Variants in VRK2 observed in about 807,000 individuals in gnomAD.
The protein encoded by VRK2 is serine/threonine-protein kinase VRK2.
A neutral mutation model predicts 57.6 loss-of-function variants in VRK2; 60 were observed. The ratio of observed to expected loss-of-function variants is 1.04; its 90% CI spans 0.85 to 1.29. VRK2 has a LOEUF of 1.29. VRK2 is among the 50% of genes most tolerant of loss of function. The pLI is 0.00. For missense variants in VRK2, 705 were observed against 588.1 expected (o/e 1.20, Z -2.06); for synonymous variants, 231 against 199.2 (o/e 1.16, Z -1.35).
chr2:58,101,621 C>T (rs942568055), intron 7 of VRK2, among the ~76,000 whole-genome samples: 15 of 151,582 alleles, frequency 9.9e-5, no homozygotes, highest in African/African-American at 3.6e-4. Flanking sequence ...CTGTGCCACA[C>T]TTTCTCTTTC....
chr2:58,022,731 T>C (rs190165130), intron 1 of VRK2, among the ~76,000 whole-genome samples: 212 of 152,136 alleles, frequency 1.4e-3, no homozygotes, highest in African/African-American at 4.6e-3. Flanking sequence ...AAAAATTAGC[T>C]AAGCATGGTG....
intron 2 of VRK2, among the ~76,000 whole-genome samples, chr2:58,029,260 A>T (rs1277667700): frequency 6.6e-6 from 1 of 152,052 alleles, no homozygotes; most frequent in Non-Finnish European, 1.5e-5. Flanking sequence ...ATGAAGGATC[A>T]ACATAATTTG....
At chr2:58,146,074 A>G (rs1010181561) in intron 11 of VRK2, among the ~76,000 whole-genome samples, 2 of 152,042 alleles carry the variant, frequency 1.3e-5, no homozygotes, top group African/African-American at 4.8e-5. Context: ...ATAGTGCCGT[A>G]AGAAACATAC....
At chr2:57,941,274 A>T (rs901077556) in intron 1 of VRK2, among the ~76,000 whole-genome samples, 2 of 152,216 alleles carry the variant, frequency 1.3e-5, no homozygotes, top group African/African-American at 2.4e-5. Context: ...TCAGTGTTAA[A>T]AAACATATTA....
At chr2:58,031,816 T>C (rs564673261) in intron 2 of VRK2, among the ~76,000 whole-genome samples, 2 of 152,170 alleles carry the variant, frequency 1.3e-5, no homozygotes, top group East Asian at 3.9e-4. Context: ...GACTTTTCAA[T>C]TTACACATTC....
At chr2:58,125,556 AT>A (rs1421289877) in intron 8 of VRK2, among the ~76,000 whole-genome samples, 3 of 152,002 alleles carry the variant, frequency 2.0e-5, no homozygotes, top group Non-Finnish European at 2.9e-5. Flanking sequence ...TACATTAAAT[AT>A]TTTTGGGATT....
At position 57,964,879 on chromosome 2, in the gene VRK2, C is replaced by CAA. The variant is rs540446220; in HGVS notation, c.-439+57068_-439+57069dup. Among the ~76,000 whole-genome samples, 71 of 47,862 alleles carry CAA rather than the reference C, an allele frequency of 1.5e-3. 4 individuals are homozygous for CAA. Among genetic ancestry groups the CAA allele is most frequent in the African/African-American group, 3.8e-3 (46 of 11,970 alleles). The allele number at this position is 47,862 out of a possible 152,430, so 31.4% of individuals were successfully genotyped here. A position where few individuals can be genotyped will look rare whatever the true frequency, so the allele number is the denominator to read the frequency against. On this transcript the variant is annotated intron_variant, in intron 1 of 15. Transcript: ENST00000417641. ...TGGGTGACAGAATGAGAATCCATCTCAAAAAAAAAAAAAAAAAAAAAAAAA... is the reference window on the plus strand; with the variant it reads ...TGGGTGACAGAATGAGAATCCATCTCAAAAAAAAAAAAAAAAAAAAAAAAAAA...
At chr2:58,032,480 C>T (rs1674146288) in intron 2 of VRK2, among the ~76,000 whole-genome samples, 1 of 151,994 alleles carries the variant, frequency 6.6e-6, no homozygotes, top group Non-Finnish European at 1.5e-5. Flanking sequence ...GGGGCACTAA[C>T]CCTGCTCCAC....
chr2:58,092,669 T>C (rs1435317203), intron 7 of VRK2, among the ~76,000 whole-genome samples: 1 of 150,230 alleles, frequency 6.7e-6, no homozygotes, highest in Non-Finnish European at 1.5e-5. Context: ...CCTGGTTTCA[T>C]TTTTTTTTCC....
intron 1 of VRK2, among the ~76,000 whole-genome samples, chr2:58,015,161 T>TA (rs1469697517): frequency 1.3e-4 from 20 of 152,340 alleles, no homozygotes; most frequent in African/African-American, 4.8e-4. Context: ...CAAGAACACC[T>TA]ATTAAGTCCT....
intron 8 of VRK2, among the ~76,000 whole-genome samples, chr2:58,129,069 T>C (rs1193464123): frequency 6.6e-6 from 1 of 152,182 alleles, no homozygotes; most frequent in Non-Finnish European, 1.5e-5. Flanking sequence ...TTACTGCATA[T>C]TGGTAAGCTC....
At chr2:57,914,166 C>G (rs1670076202) in intron 1 of VRK2, among the ~76,000 whole-genome samples, 1 of 151,754 alleles carries the variant, frequency 6.6e-6, no homozygotes, top group East Asian at 1.9e-4. Context: ...TTAAATACAT[C>G]TGTATTAATT....
At chr2:58,137,161 T>TATC (rs1553422317) in intron 10 of VRK2, among the ~76,000 whole-genome samples, 22 of 12,030 alleles carry the variant, frequency 1.8e-3, no homozygotes, top group African/African-American at 3.2e-3. Context: ...TGTGTTTATA[T>TATC]ATATCATATA....
Position 57,977,829 on chromosome 2 carries a change from G to A in VRK2, c.-438-47836G>A, listed in dbSNP as rs532016640. Reference sequence around the variant, plus strand: ...GGTGGAATGATTCCAGCTTCTGCTCGTTCAGTATGTTGCTGGCTGTAGGTT... The same window carrying A: ...GGTGGAATGATTCCAGCTTCTGCTCATTCAGTATGTTGCTGGCTGTAGGTT... On this transcript the variant is annotated intron_variant, in intron 1 of 15. Transcript: ENST00000417641. Among the ~76,000 whole-genome samples the A allele has an allele frequency of 2.7e-4, 41 of 151,008 alleles. 1 individual carries two copies. The highest frequency in any genetic ancestry group is 4.0e-4 in the Non-Finnish European group (27 of 67,984).
At chr2:58,097,260 C>T (rs1039067773) in intron 7 of VRK2, among the ~76,000 whole-genome samples, 11 of 151,850 alleles carry the variant, frequency 7.2e-5, no homozygotes, top group African/African-American at 2.2e-4. Flanking sequence ...GGTGTTTAAA[C>T]GTCTACTCTT....
In VRK2 at chr2:57,954,699, T is replaced by C. The variant is rs528576048; in HGVS notation, c.-439+46860T>C. Among the ~76,000 whole-genome samples, 30 of 152,176 alleles carry C rather than the reference T, an allele frequency of 2.0e-4. No individual in the cohort carries two copies. The East Asian group carries it at 5.4e-3, about 27-fold the overall frequency. On this transcript the variant is annotated intron_variant, in intron 1 of 15. Transcript: ENST00000417641. ...CTAGATTATAGGGTCAATTTCCTAA[T>C]CATAGTCTGCATACGCCCAGGCCCA...
intron 1 of VRK2, among the ~76,000 whole-genome samples, chr2:57,986,549 A>G (rs1341393207): frequency 6.6e-6 from 1 of 152,142 alleles, no homozygotes; most frequent in Non-Finnish European, 1.5e-5. Flanking sequence ...ATATATTTGC[A>G]ACAAAAAAGA....
In VRK2 at chr2:58,139,697, T is replaced by G. The variant is rs767894317; in HGVS notation, c.888T>G (p.His296Gln). The change falls in exon 11 of 13, where the codon CAT (histidine) becomes CAG (glutamine). Residue 296 changes from histidine to glutamine, a missense_variant. Physicochemically the swap from His to Gln is conservative, Grantham distance 24. Coordinates refer to ENST00000340157, the MANE Select transcript of VRK2 (RefSeq NM_006296.7). The part of the protein sequence containing the change: ...CEIAQFLVCA[H>Q]SLAYDEKPNY... ...TAGCCCAATTTTTGGTATGTGCTCA[T>G]AGTTTAGCATATGATGAAAAGCCAA... 2 of 1,612,884 alleles carry G rather than the reference T, an allele frequency of 1.2e-6. No individual in the cohort carries two copies. The highest frequency in any genetic ancestry group is 3.3e-5 in the Admixed American group (2 of 59,900).
At chr2:58,092,787 A>G (rs904834663) in intron 7 of VRK2, among the ~76,000 whole-genome samples, 5 of 152,096 alleles carry the variant, frequency 3.3e-5, no homozygotes, top group African/African-American at 9.7e-5. Flanking sequence ...TATATTAGGT[A>G]TATCTCCTAA....
Sources: gnomAD v4.1 joint callset for allele counts (sites outside exome capture counted in the v4.1 genomes callset) on GRCh38, gnomAD v4.1.1 for gene constraint, MANE v1.5 for transcripts, NCBI Gene and HGNC (gene_info 2026-07-23, HGNC 2026-07-21) for gene names.